Variants in LPP observed in about 807,000 individuals in gnomAD.
LPP encodes LIM domain containing preferred translocation partner in lipoma.
LPP carries 38 observed loss-of-function variants against 60.4 expected under a neutral mutation model. The ratio of observed to expected loss-of-function variants is 0.63; its 90% CI spans 0.49 to 0.83. LPP has a LOEUF of 0.83. LPP is among the 40% of genes least tolerant of loss of function. The pLI is 0.00. For synonymous variants in LPP, 328 were observed against 290.8 expected (o/e 1.13, Z -1.30); for missense variants, 902 against 783.6 (o/e 1.15, Z -1.80).
At chr3:188,664,337 G>A (rs1379035356) in intron 7 of LPP, among the ~76,000 whole-genome samples, 4 of 152,110 alleles carry the variant, frequency 2.6e-5, no homozygotes, top group South Asian at 2.1e-4. Context: ...TCGGCATGCC[G>A]CTAAATGTGT....
At chr3:188,751,949 T>C (rs2150329620) in intron 8 of LPP, among the ~76,000 whole-genome samples, 1 of 152,324 alleles carries the variant, frequency 6.6e-6, no homozygotes, top group Admixed American at 6.5e-5. Flanking sequence ...AATATAAATC[T>C]TAACCAACTG....
chr3:188,290,664 T>C (rs888289262), intron 2 of LPP, among the ~76,000 whole-genome samples: 3 of 152,242 alleles, frequency 2.0e-5, no homozygotes, highest in Admixed American at 6.5e-5. Context: ...CAGCTACTAA[T>C]GACCTTGGAA....
At chr3:188,484,805 C>T in intron 5 of LPP, 101 bp downstream of exon 5, 2 of 868,074 alleles carry the variant, frequency 2.3e-6, no homozygotes, top group Non-Finnish European at 1.9e-6. Context: ...TGTTTCTGTG[C>T]TGGATAAACA....
chr3:188,525,660 GT>G (rs1820390731), intron 6 of LPP, among the ~76,000 whole-genome samples: 1 of 152,108 alleles, frequency 6.6e-6, no homozygotes, highest in African/African-American at 2.4e-5. Flanking sequence ...TTTCTTTGGG[GT>G]TATTTCCTGG....
chr3:188,691,767 G>A (rs577491325), intron 7 of LPP, among the ~76,000 whole-genome samples: 97 of 152,302 alleles, frequency 6.4e-4, no homozygotes, highest in African/African-American at 2.2e-3. Flanking sequence ...TTTTCTTGTT[G>A]GAAAAGGACA....
chr3:188,153,221 A>G (rs1715070294), upstream of LPP: 1 of 152,408 alleles, frequency 6.6e-6, no homozygotes, highest in Admixed American at 6.5e-5. Flanking sequence ...GCGGGAACCC[A>G]AGTGGGAGGC....
intron 5 of LPP, among the ~76,000 whole-genome samples, chr3:188,503,009 A>G (rs1812352396): frequency 6.6e-6 from 1 of 151,924 alleles, no homozygotes; most frequent in Non-Finnish European, 1.5e-5. Context: ...TTATAAAACC[A>G]TTTATATTTA....
At chr3:188,860,257 C>A (rs1263591260) in intron 9 of LPP, among the ~76,000 whole-genome samples, 2 of 151,954 alleles carry the variant, frequency 1.3e-5, no homozygotes, top group Admixed American at 6.6e-5. Context: ...AGTTTTTATT[C>A]CATAATTAAG....
intron 2 of LPP, chr3:188,240,161 A>G (rs1723494678): frequency 5.4e-6 from 1 of 186,404 alleles, no homozygotes; most frequent in Admixed American, 6.2e-5. Context: ...TCTCATCTCA[A>G]GGTGGGGTTT....
At chr3:188,542,750 A>AG (rs1333375840) in intron 6 of LPP, among the ~76,000 whole-genome samples, 5 of 151,852 alleles carry the variant, frequency 3.3e-5, no homozygotes, top group African/African-American at 1.2e-4. Flanking sequence ...GACTTGGAAA[A>AG]GGGAGTTGAG....
At chr3:188,336,944 C>G (rs1761817062) in intron 2 of LPP, among the ~76,000 whole-genome samples, 1 of 152,114 alleles carries the variant, frequency 6.6e-6, no homozygotes, top group Non-Finnish European at 1.5e-5. Flanking sequence ...AGCCCAGGTA[C>G]CATTTCCCTG....
At chr3:188,575,480 G>C (rs370259224) in intron 6 of LPP, among the ~76,000 whole-genome samples, 1 of 152,120 alleles carries the variant, frequency 6.6e-6, no homozygotes, top group Admixed American at 6.6e-5. Context: ...AGGAAACAAG[G>C]CCTAGAGAAG....
intron 9 of LPP, among the ~76,000 whole-genome samples, chr3:188,854,575 G>A (rs1174008294): frequency 6.6e-6 from 1 of 152,224 alleles, no homozygotes; most frequent in African/African-American, 2.4e-5. Context: ...GAAGCCAAAT[G>A]ATTGCCAAAT....
At chr3:188,505,697 A>T (rs1314437782) in intron 5 of LPP, among the ~76,000 whole-genome samples, 1 of 152,060 alleles carries the variant, frequency 6.6e-6, no homozygotes, top group East Asian at 1.9e-4. Context: ...CTTTCTTTGT[A>T]TATCTATCAC....
chr3:188,564,402 G>C (rs1450070176), intron 6 of LPP, among the ~76,000 whole-genome samples: 1 of 151,948 alleles, frequency 6.6e-6, no homozygotes, highest in African/African-American at 2.4e-5. Context: ...ATGTGTTGTT[G>C]TGCTTTATAA....
chr3:188,831,828 G>C (rs1389599909), intron 9 of LPP, among the ~76,000 whole-genome samples: 1 of 152,180 alleles, frequency 6.6e-6, no homozygotes, highest in Non-Finnish European at 1.5e-5. Context: ...AAAGATGACT[G>C]TTGCCATATG....
chr3:188,866,459 C>G, intron 10 of LPP, 81 bp downstream of exon 10: 2 of 1,153,692 alleles, frequency 1.7e-6, no homozygotes, highest in East Asian at 3.0e-5. Context: ...GGCATACATT[C>G]TTCTCTCTCA....
chr3:188,792,439 A>C (rs1399752443), intron 9 of LPP, among the ~76,000 whole-genome samples: 3 of 152,128 alleles, frequency 2.0e-5, no homozygotes, highest in African/African-American at 7.2e-5. Context: ...GAGAAGCAAC[A>C]ATCCAAATCC....
At chr3:188,681,605 C>T (rs1859530456) in intron 7 of LPP, among the ~76,000 whole-genome samples, 1 of 152,094 alleles carries the variant, frequency 6.6e-6, no homozygotes, top group African/African-American at 2.4e-5. Flanking sequence ...GAAACTACAC[C>T]ATGATGCACT....
Sources: gnomAD v4.1 joint callset for allele counts (sites outside exome capture counted in the v4.1 genomes callset) on GRCh38, gnomAD v4.1.1 for gene constraint, MANE v1.5 for transcripts, NCBI Gene and HGNC (gene_info 2026-07-23, HGNC 2026-07-21) for gene names.